Variants in ARHGAP11A observed in about 807,000 individuals in gnomAD.
The protein encoded by ARHGAP11A is rho GTPase-activating protein 11A.
A neutral mutation model predicts 60.5 loss-of-function variants in ARHGAP11A; 36 were observed. That is an observed-to-expected ratio of 0.59 (90% CI 0.46 to 0.79). The LOEUF (loss-of-function observed/expected upper bound fraction) is 0.79, where lower values mean the gene tolerates loss of function less well. Ranked by LOEUF, ARHGAP11A falls within the 30% of genes least tolerant of loss-of-function variation. The probability of loss-of-function intolerance (pLI) is 0.00; values close to 1 mark genes in which losing one functional copy is unlikely to be tolerated. For missense variants in ARHGAP11A, 1,071 were observed against 1,199.2 expected, an observed-to-expected ratio of 0.89 and a Z score of 1.58; for synonymous variants, 362 against 415.5, an observed-to-expected ratio of 0.87 and a Z score of 1.57.
intron 2 of ARHGAP11A, among the ~76,000 whole-genome samples, chr15:32,620,737 C>T (rs1262067535): frequency 1.3e-5 from 2 of 152,024 alleles, no homozygotes; most frequent in South Asian, 2.1e-4. Context: ...TACTGACTTA[C>T]CAATTCAGTA....
At chr15:32,622,141 G>A (rs1206852135) in intron 2 of ARHGAP11A, among the ~76,000 whole-genome samples, 4 of 152,424 alleles carry the variant, frequency 2.6e-5, no homozygotes, top group Admixed American at 2.6e-4. Context: ...TCAACAGGCC[G>A]GGCACAGGAG....
intron 9 of ARHGAP11A, 111 bp from the exon 10 acceptor site, chr15:32,633,822 T>C (rs2053640605): frequency 1.5e-6 from 1 of 651,384 alleles, no homozygotes; most frequent in Non-Finnish European, 2.6e-6. Flanking sequence ...TATTAATCCA[T>C]CCAATTATTA....
chr15:32,629,550 A>C lies in ARHGAP11A; in HGVS notation c.938-45A>C, dbSNP rs146847304. On this transcript the variant is annotated intron_variant, in intron 7 of 11. Coordinates refer to ENST00000361627, the MANE Select transcript of ARHGAP11A (RefSeq NM_014783.6). ...TATGTAAAGCTTTTATATGTTGTCA[A>C]CTCTGCAGTAGAAACAAGTTGGTTT... 12 of 1,533,120 alleles carry C rather than the reference A, an allele frequency of 7.8e-6. No homozygotes were observed. In the African/African-American group the frequency reaches 1.7e-4, roughly 21 times the overall value. The allele number at this position is 1,533,120 out of a possible 1,614,324, so 95.0% of individuals were successfully genotyped here.
At position 32,620,190 on chromosome 15, in the gene ARHGAP11A, T is replaced by C; in HGVS notation, c.200+12T>C. On this transcript the variant is annotated intron_variant, in intron 2 of 11. Coordinates refer to ENST00000361627, the MANE Select transcript of ARHGAP11A (RefSeq NM_014783.6). ...GGACACATTCCAAGGTAAGCAGAGT[T>C]TGAAATGAAGAAGGCCGGGTGCAGT... 6.2e-7 allele frequency: 1 copy of C among 1,601,654 alleles called. No homozygotes were observed. Among genetic ancestry groups the C allele is most frequent in the Non-Finnish European group, 8.5e-7 (1 of 1,175,550 alleles).
chr15:32,622,438 A>G (rs796925641), intron 2 of ARHGAP11A, among the ~76,000 whole-genome samples: 1 of 152,120 alleles, frequency 6.6e-6, no homozygotes, highest in Middle Eastern at 3.2e-3. Context: ...AGAAAAAAAA[A>G]AGCAGATTTT....
Position 32,638,046 on chromosome 15 carries a change from G to A in ARHGAP11A, c.*201G>A. On this transcript the variant is annotated 3_prime_UTR_variant, in exon 12 of 12. Coordinates refer to ENST00000361627, the MANE Select transcript of ARHGAP11A (RefSeq NM_014783.6). The stretch of plus-strand genomic sequence containing the variant: ...TTACTTCTTTGTTTTTCTTAATGAT[G>A]GCAATTTTTAAACTTTAATTTTATT... The A allele has an allele frequency of 3.6e-6, 2 of 548,280 alleles. No individual in the cohort carries two copies. Among genetic ancestry groups the A allele is most frequent in the South Asian group, 3.0e-5 (1 of 33,336 alleles). The allele number at this position is 548,280 out of a possible 1,614,324, so 34.0% of individuals were successfully genotyped here. A position where few individuals can be genotyped will look rare whatever the true frequency, so the allele number is the denominator to read the frequency against.
chr15:32,634,054 C>G lies in ARHGAP11A; in HGVS notation c.1344+13C>G, dbSNP rs756816550. 7.1e-6 allele frequency: 11 copies of G among 1,545,432 alleles called. No individual in the cohort carries two copies. Among genetic ancestry groups the G allele is most frequent in the Non-Finnish European group, 9.7e-6 (11 of 1,132,564 alleles). ...TGGCAGAGAAGTAGTAAGTTTCTTA[C>G]CATTTTATTGATCTTTATATTAGCA... On this transcript the variant is annotated intron_variant, in intron 10 of 11. Transcript: ENST00000361627.
At chr15:32,623,622 T>G in intron 3 of ARHGAP11A, 34 bp downstream of exon 3, 8 of 1,591,982 alleles carry the variant, frequency 5.0e-6, no homozygotes, top group Non-Finnish European at 6.8e-6. Context: ...ATTTTTCATT[T>G]GAGCCATTTT....
chr15:32,636,330 G>T lies in ARHGAP11A; in HGVS notation c.1557G>T (p.Met519Ile), dbSNP rs755388866. ...PERLVGTNYR[M>I]SWTGPNNSSF... ...GACTAGTTGGAACAAATTACCGGAT[G>T]TCTTGGACAGGACCTAATAATTCAA... The change falls in exon 12 of 12, where the codon ATG (methionine) becomes ATT (isoleucine). Residue 519 changes from methionine to isoleucine, a missense_variant. Transcript: ENST00000361627. The T allele has an allele frequency of 4.3e-6, 7 of 1,613,888 alleles. No homozygotes were observed. The highest frequency in any genetic ancestry group is 5.1e-6 in the Non-Finnish European group (6 of 1,179,948).
In ARHGAP11A at chr15:32,637,590, T is replaced by C; in HGVS notation, c.2817T>C (p.Asn939=). The stretch of plus-strand genomic sequence containing the variant: ...TGAGGAAGCACCCAGATTCAGTGAA[T>C]GCTTCTCTTAGGTCTACTACAGTTT... ...LKMRKHPDSV[N]ASLRSTTVYK... The change falls in exon 12 of 12, where the codon AAT becomes AAC. Residue 939 remains asparagine, a synonymous_variant. Coordinates refer to ENST00000361627, the MANE Select transcript of ARHGAP11A (RefSeq NM_014783.6). The C allele has an allele frequency of 6.2e-7, 1 of 1,614,176 alleles. No individual in the cohort carries two copies. Among genetic ancestry groups the C allele is most frequent in the Non-Finnish European group, 8.5e-7 (1 of 1,180,028 alleles).
chr15:32,636,012 A>C, intron 11 of ARHGAP11A, 97 bp downstream of exon 11: 1 of 1,436,442 alleles, frequency 7.0e-7, no homozygotes, highest in Non-Finnish European at 9.1e-7. Flanking sequence ...TGTTCTAGAG[A>C]TTAAAAGTTC....
intron 1 of ARHGAP11A, 90 bp from the exon 2 acceptor site, chr15:32,620,018 A>G: frequency 6.5e-7 from 1 of 1,548,192 alleles, no homozygotes; most frequent in East Asian, 2.3e-5. Context: ...TTTTTTTTTA[A>G]TTTCCTGAGT....
At chr15:32,619,711 A>AAGTATCT (rs1327323156) in intron 1 of ARHGAP11A, among the ~76,000 whole-genome samples, 20 of 152,044 alleles carry the variant, frequency 1.3e-4, no homozygotes, top group African/African-American at 4.8e-4. Flanking sequence ...GACCAAAAGA[A>AAGTATCT]AGTATCTAGT....
At chr15:32,632,942 G>C in intron 8 of ARHGAP11A, 37 bp from the exon 9 acceptor site, 6 of 1,554,436 alleles carry the variant, frequency 3.9e-6, no homozygotes, top group Non-Finnish European at 5.2e-6. Context: ...AAGGAAAATA[G>C]ATATGTGTGG....
At chr15:32,636,040 A>G (rs1201214994) in intron 11 of ARHGAP11A, 125 bp downstream of exon 11, 6 of 1,386,378 alleles carry the variant, frequency 4.3e-6, no homozygotes, top group South Asian at 1.8e-5. Flanking sequence ...AATAGTGAAA[A>G]TATTAGAATT....
At chr15:32,620,264 C>G (rs1410399318) in intron 2 of ARHGAP11A, 86 bp downstream of exon 2, 10 of 1,608,380 alleles carry the variant, frequency 6.2e-6, no homozygotes, top group Non-Finnish European at 8.5e-6. Flanking sequence ...GTGGGCAAAT[C>G]ACTTGAGTCC....
At chr15:32,624,618 T>G (rs146504480) in intron 4 of ARHGAP11A, among the ~76,000 whole-genome samples, 192 bp downstream of exon 4, 3,730 of 152,328 alleles carry the variant, frequency 0.024, 177 homozygotes, top group African/African-American at 0.086. Context: ...TATCTTAAAG[T>G]CATCATCATG....
At position 32,638,003 on chromosome 15, in the gene ARHGAP11A, G is replaced by T. The variant is rs2053765683; in HGVS notation, c.*158G>T. The stretch of plus-strand genomic sequence containing the variant: ...TTTTTTTCACTGTACAAGCAACTTA[G>T]ATTTTTATTTGTACAAATTACTTCT... On this transcript the variant is annotated 3_prime_UTR_variant, in exon 12 of 12. Coordinates refer to ENST00000361627, the MANE Select transcript of ARHGAP11A (RefSeq NM_014783.6). 1 of 646,072 alleles carries T rather than the reference G, an allele frequency of 1.5e-6. No individual in the cohort carries two copies. The highest frequency in any genetic ancestry group is 2.5e-6 in the Non-Finnish European group (1 of 400,742). The allele number at this position is 646,072 out of a possible 1,614,324, so 40.0% of individuals were successfully genotyped here. A position where few individuals can be genotyped will look rare whatever the true frequency, so the allele number is the denominator to read the frequency against.
rs747993440 is a variant in ARHGAP11A at position 32,637,776 on chromosome 15, C to T, written c.3003C>T (p.Tyr1001=). The change falls in exon 12 of 12, where the codon TAC becomes TAT. Residue 1001 remains tyrosine, a synonymous_variant. Transcript: ENST00000361627. ...CATCAGAAAGAGGAAGGGCCTGGTA[C>T]AAAGGTTCTCCAAAACATCCTATCG... is the stretch of plus-strand genomic sequence containing the variant. ...RRPSERGRAW[Y]KGSPKHPIGK... The T allele has an allele frequency of 6.2e-7, 1 of 1,611,150 alleles. No individual in the cohort carries two copies. The highest frequency in any genetic ancestry group is 8.5e-7 in the Non-Finnish European group (1 of 1,179,252).
Sources: gnomAD v4.1 joint callset for allele counts (sites outside exome capture counted in the v4.1 genomes callset) on GRCh38, gnomAD v4.1.1 for gene constraint, MANE v1.5 for transcripts, NCBI Gene and HGNC (gene_info 2026-07-23, HGNC 2026-07-21) for gene names.